PPP2R3B: variants seen among roughly 807,000 people sequenced by gnomAD.
The protein encoded by PPP2R3B is serine/threonine-protein phosphatase 2A regulatory subunit B'' subunit beta.
PPP2R3B carries 68 observed loss-of-function variants against 72.9 expected under a neutral mutation model. That is an observed-to-expected ratio of 0.93 (90% CI 0.77 to 1.14). PPP2R3B has a LOEUF of 1.14. Among genes scored for constraint, PPP2R3B ranks in the 50% most tolerant of loss-of-function variants. PPP2R3B has a pLI of 0.00. For synonymous variants in PPP2R3B, 466 were observed against 375.8 expected, an observed-to-expected ratio of 1.24 and a Z score of -2.78; for missense variants, 1,018 against 842.0, an observed-to-expected ratio of 1.21 and a Z score of -2.59.
chrX:345,600 C>G lies in PPP2R3B; in HGVS notation c.952G>C (p.Val318Leu), dbSNP rs1455868669. Reference sequence around the variant, plus strand: ...AGCTCCCAGAACTTGCAGTAGATGACGTAGAAATGCTCGTACGAGAAGAAT... The same window carrying G: ...AGCTCCCAGAACTTGCAGTAGATGAGGTAGAAATGCTCGTACGAGAAGAAT... ...TEFFSYEHFY[V>L]IYCKFWELDT... Residue 318 changes from valine (V) to leucine (L), a missense_variant, in exon 7 of 13, where the codon GTC (valine) becomes CTC (leucine). Transcript: ENST00000390665. 6.2e-7 allele frequency: 1 copy of G among 1,613,220 alleles called. No homozygotes were observed. The highest frequency in any genetic ancestry group is 8.5e-7 in the Non-Finnish European group (1 of 1,179,542).
chrX:369,066 T>C (rs1220389528), intron 1 of PPP2R3B, among the ~76,000 whole-genome samples: 1 of 152,172 alleles, frequency 6.6e-6, no homozygotes, highest in Non-Finnish European at 1.5e-5. Flanking sequence ...CACAGCTCAC[T>C]TGGGAACTGG....
intron 1 of PPP2R3B, among the ~76,000 whole-genome samples, chrX:363,824 A>G (rs1248464586): frequency 1.3e-5 from 2 of 152,148 alleles, no homozygotes; most frequent in Admixed American, 6.5e-5. Context: ...CAGCTCTGCT[A>G]TTTGGGGTAC....
rs1410305948 is a variant in PPP2R3B, at chrX:386,562, G to A, written c.130C>T (p.Arg44Trp). The A allele has an allele frequency of 2.8e-6, 4 of 1,437,694 alleles. No individual in the cohort carries two copies. The highest frequency in any genetic ancestry group is 3.0e-5 in the African/African-American group (2 of 67,424). 89.1% of individuals were successfully genotyped at this position (1,437,694 alleles called of 1,614,324 possible). Residue 44 changes from arginine (R) to tryptophan (W), a missense_variant, in exon 1 of 13, where the codon CGG (arginine) becomes TGG (tryptophan). By Grantham distance (101) the Arg-to-Trp change is moderately radical. Coordinates refer to ENST00000390665, the MANE Select transcript of PPP2R3B (RefSeq NM_013239.5). Reference protein sequence around the residue: ...DCLRRIKAPGRDQPTPGDGEQ... With the variant: ...DCLRRIKAPGWDQPTPGDGEQ... The stretch of plus-strand genomic sequence containing the variant: ...CCGTCCCCCGGGGTCGGCTGGTCCC[G>A]CCCGGGCGCCTTGATCCGGCGCAGG...
chrX:374,420 C>T (rs2071945456), intron 1 of PPP2R3B, among the ~76,000 whole-genome samples: 1 of 152,244 alleles, frequency 6.6e-6, no homozygotes, highest in Admixed American at 6.5e-5. Context: ...TTCTAGAATA[C>T]AGCTAAGCTG....
chrX:385,486 A>G (rs2072227197), intron 1 of PPP2R3B, among the ~76,000 whole-genome samples: 1 of 151,842 alleles, frequency 6.6e-6, no homozygotes, highest in African/African-American at 2.4e-5. Flanking sequence ...CCTGCGGTGT[A>G]TAATCACCTT....
intron 2 of PPP2R3B, among the ~76,000 whole-genome samples, chrX:350,491 G>T (rs1178459733): frequency 2.6e-5 from 4 of 152,222 alleles, no homozygotes; most frequent in African/African-American, 9.6e-5. Context: ...TCTGACGAGG[G>T]ACTCAGAGGC....
chrX:353,374 C>CAA, intron 2 of PPP2R3B, among the ~76,000 whole-genome samples: 1 of 137,552 alleles, frequency 7.3e-6, no homozygotes, highest in African/African-American at 2.8e-5. Context: ...ACTCTGTCTC[C>CAA]AAAAAAAAAA....
chrX:351,466 C>T (rs889944309), intron 2 of PPP2R3B, among the ~76,000 whole-genome samples: 6 of 152,224 alleles, frequency 3.9e-5, no homozygotes, highest in African/African-American at 1.2e-4. Flanking sequence ...TCTATCCAGC[C>T]GTGCAGGATA....
At chrX:369,155 C>A (rs968634169) in intron 1 of PPP2R3B, among the ~76,000 whole-genome samples, 2 of 152,154 alleles carry the variant, frequency 1.3e-5, no homozygotes, top group Non-Finnish European at 2.9e-5. Flanking sequence ...CAAACGTAGC[C>A]GGTGAGGCCA....
chrX:341,800 G>A, intron 8 of PPP2R3B, 83 bp downstream of exon 8: 11 of 1,468,520 alleles, frequency 7.5e-6, no homozygotes, highest in Non-Finnish European at 9.5e-6. Flanking sequence ...GGCACAAAAA[G>A]CTCACGTCAG....
intron 12 of PPP2R3B, 144 bp from the exon 13 acceptor site, chrX:334,661 G>T: frequency 1.0e-6 from 1 of 987,480 alleles, no homozygotes; most frequent in South Asian, 2.3e-5. Context: ...CGCTGAGCCA[G>T]CAACGCGCTC....
Position 334,408 on chromosome X carries a change from A to T in PPP2R3B, c.1687T>A (p.Tyr563Asn). 6.3e-7 allele frequency: 1 copy of T among 1,587,090 alleles called. No homozygotes were observed. The highest frequency in any genetic ancestry group is 1.1e-5 in the South Asian group (1 of 88,778). Residue 563 changes from tyrosine (Y) to asparagine (N), a missense_variant, in exon 13 of 13, where the codon TAC becomes AAC. Physicochemically the swap from Tyr to Asn is moderately radical, Grantham distance 143. Coordinates refer to ENST00000390665, the MANE Select transcript of PPP2R3B (RefSeq NM_013239.5). ...APSPLGAVDL[Y>N]EYACGDEDLE... ...TCCTCGTCCCCGCATGCGTACTCGT[A>T]CAGGTCCACGGCGCCCAGCGGTGAG...
chrX:379,851 G>A (rs918578600), intron 1 of PPP2R3B, among the ~76,000 whole-genome samples: 2 of 152,154 alleles, frequency 1.3e-5, no homozygotes, highest in African/African-American at 4.8e-5. Context: ...GAACAGGCTT[G>A]GACTCACAGT....
At chrX:338,140 T>C in intron 12 of PPP2R3B, 1 of 223,038 alleles carries the variant, frequency 4.5e-6, no homozygotes, top group South Asian at 9.0e-5. Context: ...AAAGGGTTTG[T>C]ATGCTGAAGA....
At position 338,739 on chromosome X, in the gene PPP2R3B, G is replaced by A. The variant is rs201097784; in HGVS notation, c.1471-29C>T. 1,089 of 1,611,672 alleles carry A rather than the reference G, an allele frequency of 6.8e-4. 8 individuals are homozygous for A. In the African/African-American group the frequency reaches 9.6e-3, roughly 14 times the overall value. On this transcript the variant is annotated intron_variant, in intron 11 of 12. Transcript: ENST00000390665. ...GAGGAAGCACACGGGTTACGTACACGGCGTGGCGCGGCCCGGCCCGCGTGC... is the reference window on the plus strand; with the variant it reads ...GAGGAAGCACACGGGTTACGTACACAGCGTGGCGCGGCCCGGCCCGCGTGC...
At chrX:369,213 GGAA>G (rs1444816245) in intron 1 of PPP2R3B, among the ~76,000 whole-genome samples, 8 of 152,330 alleles carry the variant, frequency 5.3e-5, no homozygotes, top group East Asian at 3.9e-4. Flanking sequence ...GCATGTATGT[GGAA>G]GAAGAATTCT....
At chrX:347,376 G>T (rs1362749846) in intron 3 of PPP2R3B, 40 bp from the exon 4 acceptor site, 2 of 1,589,966 alleles carry the variant, frequency 1.3e-6, no homozygotes, top group African/African-American at 1.3e-5. Context: ...CTCACAGGGG[G>T]GTGGCTTTCG....
At chrX:343,744 A>ACG (rs2071126399) in intron 7 of PPP2R3B, among the ~76,000 whole-genome samples, 1 of 73,414 alleles carries the variant, frequency 1.4e-5, no homozygotes, top group Admixed American at 1.2e-4. Flanking sequence ...GACCTCACCA[A>ACG]GGAGACGCGG....
intron 10 of PPP2R3B, among the ~76,000 whole-genome samples, 175 bp from the exon 11 acceptor site, chrX:339,071 G>A (rs765860062): frequency 1.3e-5 from 2 of 152,136 alleles, no homozygotes; most frequent in African/African-American, 2.4e-5. Context: ...TTCTGGGTGG[G>A]GACTGAGGCG....
Sources: gnomAD v4.1 joint callset for allele counts (sites outside exome capture counted in the v4.1 genomes callset) on GRCh38, gnomAD v4.1.1 for gene constraint, MANE v1.5 for transcripts, NCBI Gene and HGNC (gene_info 2026-07-23, HGNC 2026-07-21) for gene names.